Variants in NKAIN3 observed in about 807,000 individuals in gnomAD.
NKAIN3 encodes the protein sodium/potassium-transporting ATPase subunit beta-1-interacting protein 3.
In NKAIN3, 25 loss-of-function variants were observed where a neutral mutation model predicts 30.2. The ratio of observed to expected loss-of-function variants is 0.83; its 90% CI spans 0.60 to 1.16. The LOEUF is 1.16. Among genes scored for constraint, NKAIN3 ranks in the 50% most tolerant of loss-of-function variants. The pLI is 0.00. For missense variants in NKAIN3, 225 were observed against 254.1 expected, an observed-to-expected ratio of 0.89 and a Z score of 0.78; for synonymous variants, 91 against 89.6, an observed-to-expected ratio of 1.02 and a Z score of -0.09.
At chr8:62,580,421 C>T (rs1485333317) in intron 2 of NKAIN3, among the ~76,000 whole-genome samples, 2 of 152,022 alleles carry the variant, frequency 1.3e-5, no homozygotes, top group South Asian at 2.1e-4. Flanking sequence ...AGCATATATA[C>T]GTATTGTAAG....
intron 4 of NKAIN3, among the ~76,000 whole-genome samples, chr8:62,904,166 G>C (rs902806414): frequency 1.3e-5 from 2 of 152,164 alleles, no homozygotes. Flanking sequence ...TAGGACAAGA[G>C]GGTATGCTGA....
chr8:62,621,510 C>A (rs76822945), intron 3 of NKAIN3, among the ~76,000 whole-genome samples: 3,596 of 152,030 alleles, frequency 0.024, 103 homozygotes, highest in African/African-American at 0.075. Flanking sequence ...TATATGCTTT[C>A]TTTAAATGTT....
intron 1 of NKAIN3, among the ~76,000 whole-genome samples, chr8:62,444,321 C>G (rs1380251134): frequency 6.6e-6 from 1 of 152,100 alleles, no homozygotes; most frequent in African/African-American, 2.4e-5. Context: ...CCATACTGAT[C>G]TATTGAACAC....
chr8:62,627,728 A>G (rs1811834636), intron 3 of NKAIN3, among the ~76,000 whole-genome samples: 1 of 152,094 alleles, frequency 6.6e-6, no homozygotes, highest in Non-Finnish European at 1.5e-5. Flanking sequence ...AAAATAGAGG[A>G]CAAGAAATAC....
intron 4 of NKAIN3, among the ~76,000 whole-genome samples, chr8:62,824,491 AACACACACACACACACACACACACAC>A (rs6150612): frequency 6.7e-6 from 1 of 148,614 alleles, no homozygotes; most frequent in Admixed American, 6.7e-5. Context: ...CCACCTCTTC[AACACACACACACACACACACACACAC>A]ACACACACAC....
chr8:62,794,899 C>T (rs996468035), intron 4 of NKAIN3, among the ~76,000 whole-genome samples: 2 of 152,074 alleles, frequency 1.3e-5, no homozygotes, highest in African/African-American at 4.8e-5. Context: ...TTGCCTTTCC[C>T]CCTTCTAGCT....
intron 4 of NKAIN3, among the ~76,000 whole-genome samples, chr8:62,816,553 T>C (rs972369015): frequency 6.6e-6 from 1 of 152,138 alleles, no homozygotes; most frequent in African/African-American, 2.4e-5. Flanking sequence ...CTCTTGGTTC[T>C]GGGGAGTACA....
At chr8:62,475,145 TAA>T (rs1179667208) in intron 1 of NKAIN3, among the ~76,000 whole-genome samples, 1 of 152,050 alleles carries the variant, frequency 6.6e-6, no homozygotes, top group African/African-American at 2.4e-5. Context: ...AAAAAAAGAA[TAA>T]AGACAATGTG....
At chr8:62,521,201 T>C (rs915135632) in intron 1 of NKAIN3, among the ~76,000 whole-genome samples, 1 of 151,894 alleles carries the variant, frequency 6.6e-6, no homozygotes, top group African/African-American at 2.4e-5. Flanking sequence ...ATCGCACCAA[T>C]CGTCTCTCAA....
chr8:62,866,295 A>G (rs1470155703), intron 4 of NKAIN3, among the ~76,000 whole-genome samples: 2 of 152,196 alleles, frequency 1.3e-5, no homozygotes, highest in Non-Finnish European at 2.9e-5. Context: ...AAGGTATGGT[A>G]TATACAATTT....
intron 1 of NKAIN3, among the ~76,000 whole-genome samples, chr8:62,501,586 A>G (rs1232823198): frequency 6.6e-6 from 1 of 151,914 alleles, no homozygotes; most frequent in Non-Finnish European, 1.5e-5. Flanking sequence ...TACTCTCTCC[A>G]TCCTCTGTGT....
intron 3 of NKAIN3, among the ~76,000 whole-genome samples, chr8:62,716,411 T>C (rs1317578994): frequency 1.3e-5 from 2 of 152,034 alleles, no homozygotes; most frequent in Non-Finnish European, 2.9e-5. Context: ...CTGATCTATC[T>C]GCTAGGGTGC....
chr8:62,636,038 A>G lies in NKAIN3; in HGVS notation c.273+46244A>G, dbSNP rs575924764. Among the ~76,000 whole-genome samples the G allele has an allele frequency of 2.0e-5, 3 of 152,278 alleles. No individual in the cohort carries two copies. In the South Asian group the frequency reaches 6.2e-4, roughly 32 times the overall value. ...TCAGTCTGCACCAAGTTCAGAATGG[A>G]GCCGTGTGATAAGAAACTCAAATCA... On this transcript the variant is annotated intron_variant, in intron 3 of 6. Transcript: ENST00000623646.
At chr8:62,806,306 A>G (rs1433037456) in intron 4 of NKAIN3, among the ~76,000 whole-genome samples, 1 of 152,224 alleles carries the variant, frequency 6.6e-6, no homozygotes, top group Non-Finnish European at 1.5e-5. Flanking sequence ...ATTACTGGGT[A>G]TATACCGAAA....
chr8:62,624,997 T>G (rs1458243900), intron 3 of NKAIN3, among the ~76,000 whole-genome samples: 2 of 152,096 alleles, frequency 1.3e-5, no homozygotes, highest in African/African-American at 4.8e-5. Context: ...TATCTTTTCT[T>G]GCATGTTTTC....
At chr8:62,281,324 A>G (rs1042886591) in intron 1 of NKAIN3, among the ~76,000 whole-genome samples, 1 of 152,078 alleles carries the variant, frequency 6.6e-6, no homozygotes, top group Non-Finnish European at 1.5e-5. Flanking sequence ...TCAAAAAACC[A>G]GCTCCTGGAT....
chr8:62,562,383 T>A (rs1809615125), intron 1 of NKAIN3, among the ~76,000 whole-genome samples: 1 of 152,142 alleles, frequency 6.6e-6, no homozygotes, highest in African/African-American at 2.4e-5. Flanking sequence ...AGGTCACAGC[T>A]TTTCATTAAT....
At chr8:62,258,664 AG>A (rs1812333613) in intron 1 of NKAIN3, among the ~76,000 whole-genome samples, 1 of 147,806 alleles carries the variant, frequency 6.8e-6, no homozygotes, top group African/African-American at 2.7e-5. Flanking sequence ...TGTCTAAAAA[AG>A]AAAAAAAGAA....
At chr8:62,548,061 T>C (rs768346584) in intron 1 of NKAIN3, among the ~76,000 whole-genome samples, 7 of 152,156 alleles carry the variant, frequency 4.6e-5, no homozygotes, top group Non-Finnish European at 8.8e-5. Flanking sequence ...GCAACCTCTG[T>C]TGGCTCCTAA....
Sources: gnomAD v4.1 joint callset for allele counts (sites outside exome capture counted in the v4.1 genomes callset) on GRCh38, gnomAD v4.1.1 for gene constraint, MANE v1.5 for transcripts, NCBI Gene and HGNC (gene_info 2026-07-23, HGNC 2026-07-21) for gene names.